RGPD8: variants seen among roughly 807,000 people sequenced by gnomAD.
The protein encoded by RGPD8 is RANBP2 like and GRIP domain containing 8.
In RGPD8, 15 loss-of-function variants were observed where a neutral mutation model predicts 89.1. That is an observed-to-expected ratio of 0.17 (90% confidence interval 0.11 to 0.26). The LOEUF (loss-of-function observed/expected upper bound fraction) is 0.26, where lower values mean the gene tolerates loss of function less well. Ranked by LOEUF, RGPD8 falls within the 10% of genes least tolerant of loss-of-function variation. RGPD8 has a pLI of 1.00. For synonymous variants in RGPD8, 62 were observed against 420.9 expected, an observed-to-expected ratio of 0.15 and a Z score of 10.44; for missense variants, 178 against 1,179.6, an observed-to-expected ratio of 0.15 and a Z score of 12.44.
At chr2:112,431,385 A>G (rs1337895879) in intron 1 of RGPD8, among the ~76,000 whole-genome samples, 1 of 152,212 alleles carries the variant, frequency 6.6e-6, no homozygotes, top group African/African-American at 2.4e-5. Flanking sequence ...TGAAATTACA[A>G]CGTACAAGTA....
intron 1 of RGPD8, among the ~76,000 whole-genome samples, chr2:112,424,741 A>T (rs1679695206): frequency 1.3e-5 from 2 of 149,370 alleles, no homozygotes; most frequent in Admixed American, 6.7e-5. Flanking sequence ...CCCAAACATC[A>T]TCATCATCAT....
At chr2:112,427,112 A>G (rs1158758861) in intron 1 of RGPD8, among the ~76,000 whole-genome samples, 3 of 152,112 alleles carry the variant, frequency 2.0e-5, no homozygotes, top group Admixed American at 6.6e-5. Flanking sequence ...CCTTTTCAAA[A>G]TGAAGAAATA....
intron 1 of RGPD8, among the ~76,000 whole-genome samples, chr2:112,429,289 C>T (rs1002384576): frequency 3.3e-5 from 5 of 149,924 alleles, no homozygotes; most frequent in South Asian, 2.1e-4. Flanking sequence ...AGTGTTGTGG[C>T]GGGTGCCTGT....
intron 1 of RGPD8, among the ~76,000 whole-genome samples, chr2:112,425,714 G>A (rs1169270320): frequency 9.7e-5 from 14 of 144,032 alleles, no homozygotes; most frequent in Admixed American, 4.4e-4. Flanking sequence ...GGCCAAGATC[G>A]CACCACTGAA....
At chr2:112,417,138 T>A (rs1440487184) in intron 6 of RGPD8, 55 bp downstream of exon 6, 61 of 1,607,822 alleles carry the variant, frequency 3.8e-5, no homozygotes, top group Non-Finnish European at 5.2e-5. Flanking sequence ...ATGAACTTAC[T>A]GCAAAAAGAA....
chr2:112,425,723 A>C (rs2673112), intron 1 of RGPD8, among the ~76,000 whole-genome samples: 119 of 150,688 alleles, frequency 7.9e-4, no homozygotes, highest in Non-Finnish European at 1.2e-3. Context: ...CGCACCACTG[A>C]ACTCCAACCT....
chr2:112,410,780 T>C (rs1574010088), intron 7 of RGPD8, among the ~76,000 whole-genome samples: 2 of 151,180 alleles, frequency 1.3e-5, no homozygotes, highest in East Asian at 3.9e-4. Context: ...CCGTCTCAAA[T>C]AAAAATAAAA....
chr2:112,426,461 T>C, intron 1 of RGPD8, among the ~76,000 whole-genome samples: 1 of 149,374 alleles, frequency 6.7e-6, no homozygotes, highest in South Asian at 2.2e-4. Context: ...TTATATAATC[T>C]TCCATTCAAT....
chr2:112,374,858 CTTT>C (rs780008775), intron 22 of RGPD8, among the ~76,000 whole-genome samples: 12 of 103,442 alleles, frequency 1.2e-4, no homozygotes, highest in East Asian at 3.3e-4. Context: ...AGTTTACATT[CTTT>C]TTTTTTTTTT....
chr2:112,429,373 G>A (rs2003966), intron 1 of RGPD8, among the ~76,000 whole-genome samples: 159 of 116,696 alleles, frequency 1.4e-3, no homozygotes, highest in South Asian at 2.1e-3. Flanking sequence ...CCGAGATCGC[G>A]ACACTGCACT....
At chr2:112,427,735 C>T (rs1232640079) in intron 1 of RGPD8, among the ~76,000 whole-genome samples, 1 of 152,222 alleles carries the variant, frequency 6.6e-6, no homozygotes, top group East Asian at 1.9e-4. Context: ...CTAAAATCCT[C>T]CAAAAAAGCT....
intron 1 of RGPD8, among the ~76,000 whole-genome samples, chr2:112,430,469 A>C (rs1480523558): frequency 1.3e-5 from 2 of 152,168 alleles, no homozygotes; most frequent in Non-Finnish European, 2.9e-5. Context: ...AAAGACTCTA[A>C]GTGTAAGAGA....
At chr2:112,408,926 C>A (rs1679057325) in intron 7 of RGPD8, among the ~76,000 whole-genome samples, 1 of 151,494 alleles carries the variant, frequency 6.6e-6, no homozygotes, top group South Asian at 2.1e-4. Context: ...CCCGCCTCAG[C>A]CTCCCAAAGT....
intron 1 of RGPD8, among the ~76,000 whole-genome samples, chr2:112,430,385 ACTC>A (rs1679974791): frequency 6.6e-6 from 1 of 152,262 alleles, no homozygotes; most frequent in Admixed American, 6.5e-5. Flanking sequence ...TGTTCCAGTT[ACTC>A]ACTAGTTAAT....
At chr2:112,425,481 TG>T (rs1459044032) in intron 1 of RGPD8, among the ~76,000 whole-genome samples, 2 of 152,080 alleles carry the variant, frequency 1.3e-5, no homozygotes, top group Admixed American at 1.3e-4. Context: ...CACACCAGGC[TG>T]GGTGCGGTGG....
intron 1 of RGPD8, among the ~76,000 whole-genome samples, chr2:112,431,841 T>C (rs1680054086): frequency 6.6e-6 from 1 of 152,162 alleles, no homozygotes; most frequent in African/African-American, 2.4e-5. Flanking sequence ...GGTTTCAACA[T>C]GTTAGCCAGG....
At chr2:112,410,910 A>G (rs1172258460) in intron 7 of RGPD8, among the ~76,000 whole-genome samples, 2 of 152,240 alleles carry the variant, frequency 1.3e-5, no homozygotes, top group Non-Finnish European at 2.9e-5. Context: ...ACATGGAGAA[A>G]CCTCGTCTCT....
rs1680168804 is a variant in RGPD8, at chr2:112,433,644, G to C, written c.-191C>G. The C allele has an allele frequency of 1.4e-6, 1 of 725,932 alleles. No individual in the cohort carries two copies. Among genetic ancestry groups the C allele is most frequent in the Non-Finnish European group, 2.2e-6 (1 of 457,834 alleles). The allele number at this position is 725,932 out of a possible 1,614,324, so 45.0% of individuals were successfully genotyped here. A position where few individuals can be genotyped will look rare whatever the true frequency, so the allele number is the denominator to read the frequency against. The stretch of plus-strand genomic sequence containing the variant: ...AACCTGCGTTCTGCCTCAGCACTGT[G>C]TATCCTCGGGGACGTCGGCGCTCCA... On this transcript the variant is annotated 5_prime_UTR_variant, in exon 1 of 23. Transcript: ENST00000302558.
intron 1 of RGPD8, among the ~76,000 whole-genome samples, chr2:112,431,682 G>GC (rs1451934515): frequency 1.3e-5 from 2 of 151,408 alleles, no homozygotes; most frequent in Non-Finnish European, 2.9e-5. Context: ...TGTCGCCCAG[G>GC]CTGGAGTGCA....
Sources: gnomAD v4.1 joint callset for allele counts (sites outside exome capture counted in the v4.1 genomes callset) on GRCh38, gnomAD v4.1.1 for gene constraint, MANE v1.5 for transcripts, NCBI Gene and HGNC (gene_info 2026-07-23, HGNC 2026-07-21) for gene names.